NAALADL2: variants seen among roughly 807,000 people sequenced by gnomAD.
The protein encoded by NAALADL2 is N-acetylated alpha-linked acidic dipeptidase like 2.
In NAALADL2, 76 loss-of-function variants were observed where a neutral mutation model predicts 87.2. That is an observed-to-expected ratio of 0.87 (90% CI 0.72 to 1.05). The LOEUF (loss-of-function observed/expected upper bound fraction) is 1.05. NAALADL2 is among the 50% of genes least tolerant of loss of function. The pLI is 0.00. For synonymous variants in NAALADL2, 354 were observed against 331.0 expected (o/e 1.07, Z -0.75); for missense variants, 1,089 against 945.8 (o/e 1.15, Z -1.99).
intron 9 of NAALADL2, among the ~76,000 whole-genome samples, chr3:175,481,439 A>T (rs1405059652): frequency 6.6e-6 from 1 of 151,608 alleles, no homozygotes; most frequent in African/African-American, 2.4e-5. Context: ...ACTGCTTCAA[A>T]ATGCTGACTC....
intron 9 of NAALADL2, among the ~76,000 whole-genome samples, chr3:175,487,329 C>G (rs144381539): frequency 2.0e-5 from 3 of 152,284 alleles, no homozygotes; most frequent in African/African-American, 7.2e-5. Flanking sequence ...CTGTCAGTCC[C>G]TCCTTCTAGG....
intron 1 of NAALADL2, among the ~76,000 whole-genome samples, chr3:175,095,249 T>C (rs1720942055): frequency 6.6e-6 from 1 of 152,098 alleles, no homozygotes; most frequent in Non-Finnish European, 1.5e-5. Flanking sequence ...CTTTTTTGTA[T>C]AATTATTTCT....
chr3:174,487,738 T>C (rs1229782238), intron 1 of NAALADL2, among the ~76,000 whole-genome samples: 1 of 151,674 alleles, frequency 6.6e-6, no homozygotes, highest in Non-Finnish European at 1.5e-5. Context: ...AGATTGCTTG[T>C]AGGCAGGTAG....
chr3:174,856,756 C>A (rs1325729295), upstream of NAALADL2, among the ~76,000 whole-genome samples: 1 of 152,128 alleles, frequency 6.6e-6, no homozygotes, highest in Non-Finnish European at 1.5e-5. Flanking sequence ...CCAAGATCTA[C>A]TGTAAGAACA....
intron 1 of NAALADL2, among the ~76,000 whole-genome samples, chr3:174,933,251 G>C (rs1410171620): frequency 6.6e-6 from 1 of 152,152 alleles, no homozygotes; most frequent in Non-Finnish European, 1.5e-5. Flanking sequence ...GAATTGCTTG[G>C]AACTTTTGTG....
intron 5 of NAALADL2, among the ~76,000 whole-genome samples, chr3:175,377,041 A>G (rs1437838378): frequency 2.0e-5 from 3 of 152,068 alleles, no homozygotes; most frequent in African/African-American, 7.2e-5. Flanking sequence ...GGCCAGATGC[A>G]GTGGCTCACA....
chr3:174,865,087 G>C (rs929980388), intron 1 of NAALADL2, among the ~76,000 whole-genome samples: 1 of 152,004 alleles, frequency 6.6e-6, no homozygotes, highest in African/African-American at 2.4e-5. Context: ...CGAACACTTC[G>C]GGAGGCTCTT....
At chr3:175,511,239 C>T (rs1173173088) in intron 9 of NAALADL2, among the ~76,000 whole-genome samples, 1 of 152,144 alleles carries the variant, frequency 6.6e-6, no homozygotes, top group Admixed American at 6.5e-5. Context: ...GAGCCAATGT[C>T]AAGGGCTGAA....
chr3:175,565,648 T>C (rs1040087122), intron 9 of NAALADL2, among the ~76,000 whole-genome samples: 8 of 151,874 alleles, frequency 5.3e-5, no homozygotes, highest in African/African-American at 9.7e-5. Flanking sequence ...ATTTCTCTTA[T>C]CTGTTCTCTC....
At chr3:174,531,494 A>G (rs1213163948) in intron 1 of NAALADL2, among the ~76,000 whole-genome samples, 1 of 152,188 alleles carries the variant, frequency 6.6e-6, no homozygotes, top group African/African-American at 2.4e-5. Flanking sequence ...ATTTGAATAA[A>G]CATTGTGGGT....
intron 1 of NAALADL2, among the ~76,000 whole-genome samples, chr3:174,923,335 T>TAAATAA (rs1735512128): frequency 6.6e-6 from 1 of 152,140 alleles, no homozygotes; most frequent in Non-Finnish European, 1.5e-5. Context: ...TACATATCCA[T>TAAATAA]GAGTACATAG....
At chr3:175,459,015 C>T (rs978418318) in intron 6 of NAALADL2, among the ~76,000 whole-genome samples, 2 of 152,096 alleles carry the variant, frequency 1.3e-5, no homozygotes, top group Non-Finnish European at 2.9e-5. Context: ...TGTGCCCACA[C>T]ACACACCTAG....
At chr3:175,042,610 T>C (rs1754218758) in intron 1 of NAALADL2, among the ~76,000 whole-genome samples, 1 of 152,238 alleles carries the variant, frequency 6.6e-6, no homozygotes, top group South Asian at 2.1e-4. Flanking sequence ...ATCTTCTGAC[T>C]TTTTGTTAAT....
intron 1 of NAALADL2, chr3:174,536,826 C>T (rs577868571): frequency 1.2e-4 from 18 of 152,162 alleles, no homozygotes; most frequent in Non-Finnish European, 2.6e-4. Flanking sequence ...TATTTTGTCA[C>T]CTGGGGGAAT....
At chr3:174,707,325 T>C (rs1051972368) in intron 2 of NAALADL2, among the ~76,000 whole-genome samples, 22 of 152,160 alleles carry the variant, frequency 1.4e-4, no homozygotes, top group African/African-American at 5.1e-4. Context: ...TAAACCATGC[T>C]GCTATAAAGA....
rs116302048 is a variant in NAALADL2 at position 175,304,453 on chromosome 3, G to A, written c.940-19722G>A. On this transcript the variant is annotated intron_variant, in intron 4 of 13. Transcript: ENST00000454872. ...CAAGTCTGGCATGACTCTCTTCTTT[G>A]CAGATTTGGCTTTTATAATTGAGAC... is the stretch of plus-strand genomic sequence containing the variant. Among the ~76,000 whole-genome samples the A allele has an allele frequency of 1.3e-3, 204 of 152,216 alleles. 1 individual carries two copies. The highest frequency in any genetic ancestry group is 4.6e-3 in the African/African-American group (193 of 41,528).
At chr3:175,134,871 A>AATTTATTATTCTG (rs1728868261) in intron 2 of NAALADL2, among the ~76,000 whole-genome samples, 1 of 152,226 alleles carries the variant, frequency 6.6e-6, no homozygotes, top group Non-Finnish European at 1.5e-5. Context: ...ATTTTATCAG[A>AATTTATTATTCTG]ATAATAAAGC....
intron 1 of NAALADL2, among the ~76,000 whole-genome samples, chr3:174,502,355 A>G (rs1253397483): frequency 6.6e-6 from 1 of 152,186 alleles, no homozygotes; most frequent in Non-Finnish European, 1.5e-5. Flanking sequence ...CATTCGTGTG[A>G]TACTTTTTAA....
intron 2 of NAALADL2, among the ~76,000 whole-genome samples, chr3:174,709,925 A>G (rs528678496): frequency 1.3e-5 from 2 of 152,316 alleles, no homozygotes; most frequent in Non-Finnish European, 2.9e-5. Context: ...ACTAACTTCA[A>G]TGTGTGTGTC....
Sources: allele counts gnomAD v4.1 joint callset (sites outside exome capture counted in the v4.1 genomes callset), GRCh38; gene constraint gnomAD v4.1.1; transcripts MANE v1.5; gene names NCBI Gene and HGNC (gene_info 2026-07-23, HGNC 2026-07-21).